Variants in ZNF804B observed in about 807,000 individuals in gnomAD.
The protein encoded by ZNF804B is zinc finger protein 804B.
In ZNF804B, 80 loss-of-function variants were observed where a neutral mutation model predicts 101.4. That is an observed-to-expected ratio of 0.79 (90% CI 0.66 to 0.95). ZNF804B has a LOEUF of 0.95. Ranked by LOEUF, ZNF804B falls within the 40% of genes least tolerant of loss-of-function variation. The pLI is 0.00. For missense variants in ZNF804B, 1,673 were observed against 1,561.9 expected, an observed-to-expected ratio of 1.07 and a Z score of -1.20; for synonymous variants, 622 against 558.8, an observed-to-expected ratio of 1.11 and a Z score of -1.59.
chr7:88,843,601 G>T (rs1207765832), intron 1 of ZNF804B, among the ~76,000 whole-genome samples: 3 of 152,098 alleles, frequency 2.0e-5, no homozygotes, highest in Admixed American at 2.0e-4. Context: ...GCTGGGCATG[G>T]TGGCAGGTGC....
chr7:89,282,815 A>C lies in ZNF804B; in HGVS notation c.250-44529A>C, dbSNP rs367941199. Reference sequence around the variant, plus strand: ...CAGTCACAAGCCAGGGAATGCCAGCAGCCACCAGAACCTCTAAGAGGCAAG... The same window carrying C: ...CAGTCACAAGCCAGGGAATGCCAGCCGCCACCAGAACCTCTAAGAGGCAAG... On this transcript the variant is annotated intron_variant, in intron 2 of 3. Coordinates refer to ENST00000333190, the MANE Select transcript of ZNF804B (RefSeq NM_181646.5). Among the ~76,000 whole-genome samples the C allele has an allele frequency of 8.5e-5, 13 of 152,332 alleles. No homozygotes were observed. The East Asian group carries it at 2.1e-3, about 25-fold the overall frequency.
At chr7:89,070,884 T>C (rs1387123316) in intron 1 of ZNF804B, among the ~76,000 whole-genome samples, 2 of 151,780 alleles carry the variant, frequency 1.3e-5, no homozygotes, top group Non-Finnish European at 2.9e-5. Flanking sequence ...ATGGCATTTC[T>C]CCATTCCTAG....
At chr7:89,125,655 A>G (rs186612065) in intron 1 of ZNF804B, among the ~76,000 whole-genome samples, 2 of 152,148 alleles carry the variant, frequency 1.3e-5, no homozygotes, top group Admixed American at 6.6e-5. Flanking sequence ...GTAAGTTTTT[A>G]TTATTTCCAA....
At chr7:88,950,900 C>A (rs753523787) in intron 1 of ZNF804B, among the ~76,000 whole-genome samples, 21 of 146,536 alleles carry the variant, frequency 1.4e-4, no homozygotes, top group Non-Finnish European at 3.0e-4. Flanking sequence ...ACCTTAAAAG[C>A]CTCAAGAAGA....
chr7:89,194,030 T>C (rs918616340), intron 1 of ZNF804B, among the ~76,000 whole-genome samples: 1 of 152,178 alleles, frequency 6.6e-6, no homozygotes, highest in Non-Finnish European at 1.5e-5. Flanking sequence ...TGGTATCTCA[T>C]TGTGGTTTTG....
At chr7:89,317,720 G>A (rs1790753835) in intron 2 of ZNF804B, among the ~76,000 whole-genome samples, 1 of 152,176 alleles carries the variant, frequency 6.6e-6, no homozygotes, top group South Asian at 2.1e-4. Flanking sequence ...AAGTGCATAA[G>A]TCTCATCCAG....
intron 1 of ZNF804B, among the ~76,000 whole-genome samples, chr7:88,887,381 G>A (rs543005930): frequency 6.6e-6 from 1 of 152,200 alleles, no homozygotes; most frequent in African/African-American, 2.4e-5. Context: ...CAAGTCTGTA[G>A]GTTGTCTGTT....
At chr7:88,771,012 A>G (rs1790053273) in intron 1 of ZNF804B, among the ~76,000 whole-genome samples, 1 of 152,188 alleles carries the variant, frequency 6.6e-6, no homozygotes, top group Admixed American at 6.5e-5. Flanking sequence ...TATATTCTTG[A>G]TAAGGTGGTA....
At chr7:89,102,121 G>C (rs1790064263) in intron 1 of ZNF804B, among the ~76,000 whole-genome samples, 1 of 151,844 alleles carries the variant, frequency 6.6e-6, no homozygotes. Flanking sequence ...TATTGTAAAT[G>C]GTGCTGTGAT....
chr7:88,973,679 C>A lies in ZNF804B; in HGVS notation c.108+213595C>A, dbSNP rs191636672. Among the ~76,000 whole-genome samples, 18 of 151,076 alleles carry A rather than the reference C, an allele frequency of 1.2e-4. 1 individual carries two copies. The Admixed American group carries it at 1.2e-3, about 10-fold the overall frequency. On this transcript the variant is annotated intron_variant, in intron 1 of 3. Coordinates refer to ENST00000333190, the MANE Select transcript of ZNF804B (RefSeq NM_181646.5). ...TGCTACAGTGACCTATGCTTTTGAT[C>A]TTGGGAGAAAAGGTGTATTTTATTG... is the stretch of plus-strand genomic sequence containing the variant.
At chr7:89,092,113 G>A in intron 1 of ZNF804B, among the ~76,000 whole-genome samples, 1 of 151,840 alleles carries the variant, frequency 6.6e-6, no homozygotes, top group East Asian at 1.9e-4. Flanking sequence ...GCCAAAACAT[G>A]TGGTGTCTGG....
At chr7:88,955,223 G>C (rs1793287518) in intron 1 of ZNF804B, among the ~76,000 whole-genome samples, 1 of 151,344 alleles carries the variant, frequency 6.6e-6, no homozygotes, top group African/African-American at 2.4e-5. Context: ...TCATATTTCT[G>C]AGTCCTCAAT....
Position 89,335,535 on chromosome 7 carries a change from C to T in ZNF804B, c.2553C>T (p.His851=), listed in dbSNP as rs10251768. 132 of 1,613,746 alleles carry T rather than the reference C, an allele frequency of 8.2e-5. No homozygotes were observed. Among genetic ancestry groups the T allele is most frequent in the Non-Finnish European group, 1.0e-4 (123 of 1,179,942 alleles). Residue 851 remains histidine, a synonymous_variant, in exon 4 of 4, where the codon CAC becomes CAT. Coordinates refer to ENST00000333190, the MANE Select transcript of ZNF804B (RefSeq NM_181646.5). ...KKPPNCQGTQ[H]DRLDSYSIEK... is the part of the protein sequence containing the mutation. The stretch of plus-strand genomic sequence containing the variant: ...CACCTAATTGCCAGGGAACTCAGCA[C>T]GACAGATTGGACTCTTACTCAATAG...
intron 1 of ZNF804B, among the ~76,000 whole-genome samples, chr7:88,955,079 G>C: frequency 1.4e-5 from 2 of 146,894 alleles, no homozygotes; most frequent in East Asian, 4.0e-4. Flanking sequence ...GGGCAATATC[G>C]TGAGCCCTTG....
At chr7:88,878,744 T>C (rs889276845) in intron 1 of ZNF804B, among the ~76,000 whole-genome samples, 1 of 152,176 alleles carries the variant, frequency 6.6e-6, no homozygotes, top group Non-Finnish European at 1.5e-5. Flanking sequence ...GCATCCAATA[T>C]AGATAAATTA....
At chr7:89,087,640 A>G (rs1789826620) in intron 1 of ZNF804B, among the ~76,000 whole-genome samples, 2 of 152,006 alleles carry the variant, frequency 1.3e-5, no homozygotes, top group Admixed American at 1.3e-4. Flanking sequence ...TGAACTTTAC[A>G]TATTAAACTA....
chr7:89,037,828 C>T, intron 1 of ZNF804B, among the ~76,000 whole-genome samples: 1 of 152,134 alleles, frequency 6.6e-6, no homozygotes, highest in East Asian at 1.9e-4. Context: ...CAGCCCCTGG[C>T]ATCTGCCGTT....
rs146129705 is a variant in ZNF804B, at chr7:89,013,425, T to C, written c.109-204730T>C. Among the ~76,000 whole-genome samples, 714 of 152,356 alleles carry C rather than the reference T, an allele frequency of 4.7e-3. 7 individuals carry two copies. The highest frequency in any genetic ancestry group is 0.016 in the African/African-American group (678 of 41,590). ...CCTGATGGTGGAAAGGTAACTTCTA[T>C]ATACAATGAGAATCTATTTATGTAG... On this transcript the variant is annotated intron_variant, in intron 1 of 3. Coordinates refer to ENST00000333190, the MANE Select transcript of ZNF804B (RefSeq NM_181646.5).
chr7:89,040,642 T>A (rs1180495438), intron 1 of ZNF804B, among the ~76,000 whole-genome samples: 1 of 152,178 alleles, frequency 6.6e-6, no homozygotes, highest in Non-Finnish European at 1.5e-5. Flanking sequence ...TAATGGTGAT[T>A]TCTTTTATTC....
Sources: gnomAD v4.1 joint callset for allele counts (sites outside exome capture counted in the v4.1 genomes callset) on GRCh38, gnomAD v4.1.1 for gene constraint, MANE v1.5 for transcripts, NCBI Gene and HGNC (gene_info 2026-07-23, HGNC 2026-07-21) for gene names.